SLC12A7: variants seen among roughly 807,000 people sequenced by gnomAD.
The protein encoded by SLC12A7 is K-Cl cotransporter 4.
SLC12A7 carries 100 observed loss-of-function variants against 120.6 expected under a neutral mutation model. That is an observed-to-expected ratio of 0.83 (90% confidence interval 0.71 to 0.98). The LOEUF is 0.98. Ranked by LOEUF, SLC12A7 falls within the 50% of genes least tolerant of loss-of-function variation. SLC12A7 has a pLI of 0.00. For missense variants in SLC12A7, 1,373 were observed against 1,548.1 expected, an observed-to-expected ratio of 0.89 and a Z score of 1.90; for synonymous variants, 760 against 678.0, an observed-to-expected ratio of 1.12 and a Z score of -1.88.
At chr5:1,142,777 C>A in the SLC12A7 span, among the ~76,000 whole-genome samples, 195 of 110,228 alleles carry the variant, frequency 1.8e-3, 3 homozygotes, top group Admixed American at 0.017. Context: ...CCCTAGAATA[C>A]CCGTGACCAT....
chr5:1,057,433 G>A (rs1298766130), intron 22 of SLC12A7, 38 bp downstream of exon 22: 1 of 1,570,906 alleles, frequency 6.4e-7, no homozygotes, highest in Non-Finnish European at 8.6e-7. Context: ...AGCACTGCCA[G>A]GATCTGTTCC....
chr5:1,065,461 C>A lies in SLC12A7; in HGVS notation c.2259G>T (p.Met753Ile). Residue 753 changes from methionine (M) to isoleucine (I), a missense_variant, in exon 18 of 24, where the codon ATG (methionine) becomes ATT (isoleucine). Transcript: ENST00000264930. ...AGAAGCCCTTGGTCTTCTCTGTGCT[C>A]ATTAGGGACCGTATGTTCTGCGGGA... ...QRAEENIRSLMSTEKTKGFCQ... is the reference protein window; with the variant it reads ...QRAEENIRSLISTEKTKGFCQ... 1.3e-6 allele frequency: 2 copies of A among 1,596,716 alleles called. No homozygotes were observed. Among genetic ancestry groups the A allele is most frequent in the Non-Finnish European group, 1.7e-6 (2 of 1,169,984 alleles).
intron 1 of SLC12A7, among the ~76,000 whole-genome samples, chr5:1,098,290 A>T (rs192565095): frequency 2.4e-3 from 6 of 2,536 alleles, no homozygotes; most frequent in East Asian, 8.2e-3. Context: ...ACCCTCTGCA[A>T]GCCCAGCCCC....
intron 1 of SLC12A7, 42 bp from the exon 2 acceptor site, chr5:1,094,290 T>A: frequency 6.7e-7 from 1 of 1,490,116 alleles, no homozygotes; most frequent in African/African-American, 1.4e-5. Context: ...TAGAAGGAAC[T>A]AAAAGCAAGC....
At chr5:1,056,908 A>G (rs28524573) in intron 22 of SLC12A7, among the ~76,000 whole-genome samples, 131,069 of 152,278 alleles carry the variant, frequency 0.86, 59,093 homozygotes, top group Non-Finnish European at 0.99. Flanking sequence ...GCAGGCCCTA[A>G]GGCCCGACAG....
intron 1 of SLC12A7, among the ~76,000 whole-genome samples, chr5:1,106,467 A>G (rs1176699167): frequency 6.6e-6 from 1 of 151,944 alleles, no homozygotes; most frequent in Admixed American, 6.6e-5. Context: ...AAAAAAAAAA[A>G]AAAAAAAGAA....
chr5:1,085,195 C>G (rs1279382056), intron 7 of SLC12A7, 37 bp downstream of exon 7: 3 of 1,605,952 alleles, frequency 1.9e-6, no homozygotes, highest in South Asian at 1.1e-5. Flanking sequence ...GGCCCCAGCC[C>G]CACACCCACC....
At chr5:1,144,372 AC>A in the SLC12A7 span, among the ~76,000 whole-genome samples, 1 of 152,226 alleles carries the variant, frequency 6.6e-6, no homozygotes, top group East Asian at 1.9e-4. Context: ...GCCCCTTTGA[AC>A]GAGATCCTGG....
At chr5:1,064,355 G>C (rs938648785) in intron 18 of SLC12A7, 103 bp from the exon 19 acceptor site, 80 of 1,356,386 alleles carry the variant, frequency 5.9e-5, no homozygotes, top group Non-Finnish European at 7.6e-5. Flanking sequence ...GGCGAGGCGA[G>C]GGGGGTCCCC....
chr5:1,130,623 G>GTCCCCTCACCTCCTTAGCCAGGGC, the SLC12A7 span, among the ~76,000 whole-genome samples: 1 of 98,020 alleles, frequency 1.0e-5, no homozygotes, highest in African/African-American at 4.3e-5. Flanking sequence ...GCCAGGGTGG[G>GTCCCCTCACCTCCTTAGCCAGGGC]GGCAGCAGGG....
intron 11 of SLC12A7, 71 bp from the exon 12 acceptor site, chr5:1,078,078 C>T: frequency 6.7e-7 from 1 of 1,483,840 alleles, no homozygotes; most frequent in Non-Finnish European, 9.0e-7. Flanking sequence ...TGTCTTCTCC[C>T]ACCCAGAGCG....
At chr5:1,078,889 A>G in intron 10 of SLC12A7, 131 bp from the exon 11 acceptor site, 1 of 715,610 alleles carries the variant, frequency 1.4e-6, no homozygotes, top group Non-Finnish European at 2.5e-6. Context: ...GTGGGCGGGG[A>G]CCGTTCTGCA....
intron 20 of SLC12A7, among the ~76,000 whole-genome samples, chr5:1,060,969 A>ACCC: frequency 4.0e-5 from 6 of 151,562 alleles, no homozygotes; most frequent in African/African-American, 1.5e-4. Context: ...ACAGTGTGGG[A>ACCC]CTGCTGCGTC....
chr5:1,093,281 T>C (rs907926611), intron 3 of SLC12A7, among the ~76,000 whole-genome samples: 1 of 152,110 alleles, frequency 6.6e-6, no homozygotes, highest in African/African-American at 2.4e-5. Context: ...CAAGTTCATT[T>C]CTCGACAGGG....
intron 22 of SLC12A7, among the ~76,000 whole-genome samples, chr5:1,054,224 C>T (rs189563335): frequency 8.5e-5 from 13 of 152,394 alleles, no homozygotes; most frequent in Non-Finnish European, 1.5e-4. Flanking sequence ...CCCCGCCTTC[C>T]GTCCTCACAA....
intron 17 of SLC12A7, 68 bp from the exon 18 acceptor site, chr5:1,065,546 CGGT>C: frequency 7.3e-7 from 1 of 1,376,452 alleles, no homozygotes; most frequent in Non-Finnish European, 9.8e-7. Context: ...CCACCACCCA[CGGT>C]GGCCAGGGCA....
At position 1,050,520 on chromosome 5, in the gene SLC12A7, G is replaced by A. The variant is rs533419023; in HGVS notation, c.*1840C>T. 2 of 250,550 alleles carry A rather than the reference G, an allele frequency of 8.0e-6. No individual in the cohort carries two copies. Among genetic ancestry groups the A allele is most frequent in the East Asian group, 7.2e-5 (1 of 13,892 alleles). 15.5% of individuals were successfully genotyped at this position (250,550 alleles called of 1,614,324 possible). Reference sequence around the variant, plus strand: ...AACACAAAGGATGCCTGGTGCTTGCGTGCAGAGGCTGCAGCCCAGGGCGGG... The same window carrying A: ...AACACAAAGGATGCCTGGTGCTTGCATGCAGAGGCTGCAGCCCAGGGCGGG... On this transcript the variant is annotated 3_prime_UTR_variant, in exon 24 of 24. Coordinates refer to ENST00000264930, the MANE Select transcript of SLC12A7 (RefSeq NM_006598.3).
At chr5:1,144,987 G>C in the SLC12A7 span, among the ~76,000 whole-genome samples, 1 of 152,256 alleles carries the variant, frequency 6.6e-6, no homozygotes, top group South Asian at 2.1e-4. Flanking sequence ...AGCACCCACA[G>C]CAGCAGCCAG....
At chr5:1,094,316 C>T in intron 1 of SLC12A7, 68 bp from the exon 2 acceptor site, 3 of 1,159,528 alleles carry the variant, frequency 2.6e-6, no homozygotes, top group African/African-American at 1.5e-5. Flanking sequence ...AGGCCAACTA[C>T]AGATCTTGCA....
Sources: allele counts gnomAD v4.1 joint callset (sites outside exome capture counted in the v4.1 genomes callset), GRCh38; gene constraint gnomAD v4.1.1; transcripts MANE v1.5; gene names NCBI Gene and HGNC (gene_info 2026-07-23, HGNC 2026-07-21).